Variants in DCDC1 observed in about 807,000 individuals in gnomAD.
DCDC1 encodes doublecortin domain-containing protein 1.
In DCDC1, 200 loss-of-function variants were observed where a neutral mutation model predicts 178.3. The observed-to-expected ratio is 1.12, with a 90% CI of 1.00 to 1.26. The LOEUF (loss-of-function observed/expected upper bound fraction) is 1.26. Among genes scored for constraint, DCDC1 ranks in the 50% most tolerant of loss-of-function variants. DCDC1 has a pLI of 0.00. For synonymous variants in DCDC1, 690 were observed against 604.8 expected (o/e 1.14, Z -2.07); for missense variants, 1,983 against 1,749.2 (o/e 1.13, Z -2.38).
At position 31,347,328 on chromosome 11, in the gene DCDC1, C is replaced by T. The variant is rs551265532; in HGVS notation, c.-124-11764G>A. The stretch of plus-strand genomic sequence containing the variant: ...CCATAATTTAACACTCCTTTCGTAG[C>T]TTGGTCTAGGTCCCTAAACCAGATA... On this transcript the variant is annotated intron_variant, in intron 1 of 38. Coordinates refer to ENST00000684477, the MANE Select transcript of DCDC1 (RefSeq NM_001387274.1). Among the ~76,000 whole-genome samples the T allele has an allele frequency of 5.3e-5, 8 of 152,266 alleles. No homozygotes were observed. In the South Asian group the frequency reaches 1.7e-3, roughly 32 times the overall value.
intron 20 of DCDC1, among the ~76,000 whole-genome samples, chr11:30,983,882 G>C (rs1950508140): frequency 6.6e-6 from 1 of 152,022 alleles, no homozygotes; most frequent in Non-Finnish European, 1.5e-5. Context: ...AGACCACAGG[G>C]GGTAAAAATC....
chr11:31,221,820 T>C (rs1461306210), intron 9 of DCDC1, among the ~76,000 whole-genome samples: 1 of 152,200 alleles, frequency 6.6e-6, no homozygotes, highest in East Asian at 1.9e-4. Flanking sequence ...TCTAAATCTT[T>C]AAGCTCTGGG....
intron 21 of DCDC1, among the ~76,000 whole-genome samples, chr11:30,947,158 A>G (rs1221955339): frequency 1.3e-5 from 2 of 152,200 alleles, no homozygotes; most frequent in African/African-American, 4.8e-5. Flanking sequence ...TGGAAGAAAA[A>G]TGTCTGAAAA....
intron 6 of DCDC1, among the ~76,000 whole-genome samples, chr11:31,297,357 A>AT (rs35301487): frequency 0.28 from 41,405 of 149,766 alleles, 5,932 homozygotes; most frequent in African/African-American, 0.36. Context: ...CATACTAGCC[A>AT]TTTTTTTTTT....
In DCDC1 at chr11:30,920,867, T is replaced by C; in HGVS notation, c.3202A>G (p.Ile1068Val). 1.2e-6 allele frequency: 2 copies of C among 1,613,506 alleles called. No homozygotes were observed. Among genetic ancestry groups the C allele is most frequent in the Non-Finnish European group, 1.7e-6 (2 of 1,179,698 alleles). ...SKLAVHKPVA[I>V]FGEEKQVTEP... ...GTAACTTGCTTCTCTTCTCCAAAAA[T>C]TGCTACAGGTTTATGCACAGCAAGC... Residue 1068 changes from isoleucine (I) to valine (V), a missense_variant, in exon 25 of 39, where the codon ATT (isoleucine) becomes GTT (valine). Ile to Val is a conservative substitution (Grantham distance 29). Transcript: ENST00000684477.
At chr11:31,222,103 C>G (rs1974340799) in intron 9 of DCDC1, among the ~76,000 whole-genome samples, 1 of 152,132 alleles carries the variant, frequency 6.6e-6, no homozygotes, top group Non-Finnish European at 1.5e-5. Flanking sequence ...CACTCTGTCA[C>G]CCAGGCTTGG....
chr11:31,153,598 C>T (rs1391298102), intron 9 of DCDC1, among the ~76,000 whole-genome samples: 1 of 152,024 alleles, frequency 6.6e-6, no homozygotes, highest in Non-Finnish European at 1.5e-5. Context: ...GCCTGGCCAA[C>T]ATGGTGAAAC....
chr11:31,080,818 A>G (rs996360332), intron 17 of DCDC1, among the ~76,000 whole-genome samples: 1 of 152,242 alleles, frequency 6.6e-6, no homozygotes, highest in African/African-American at 2.4e-5. Context: ...CTCCTGTTTC[A>G]TAAATTATTG....
At position 31,065,106 on chromosome 11, in the gene DCDC1, T is replaced by C. The variant is rs144828307; in HGVS notation, c.2346A>G (p.Gln782=). ...VLTYLEELNA[Q]VDVTQTEYHI... is the part of the protein sequence containing the mutation. The stretch of plus-strand genomic sequence containing the variant: ...GATACTCTGTCTGGGTCACATCTAC[T>C]TGTGCATTTAGCTCCTCTAGGTAGG... Residue 782 remains glutamine, a synonymous_variant, in exon 19 of 39, where the codon CAA becomes CAG. Coordinates refer to ENST00000684477, the MANE Select transcript of DCDC1 (RefSeq NM_001387274.1). The C allele has an allele frequency of 1.2e-5, 9 of 765,464 alleles. No homozygotes were observed. Among genetic ancestry groups the C allele is most frequent in the Non-Finnish European group, 1.9e-5 (8 of 417,536 alleles). The allele number at this position is 765,464 out of a possible 1,614,324, so 47.4% of individuals were successfully genotyped here.
At chr11:31,366,653 C>T (rs190823509) in intron 1 of DCDC1, among the ~76,000 whole-genome samples, 1 of 152,282 alleles carries the variant, frequency 6.6e-6, no homozygotes, top group Admixed American at 6.5e-5. Flanking sequence ...GTTACCAAAA[C>T]ACCAGGAGTT....
At chr11:30,971,687 G>A (rs988457459) in intron 20 of DCDC1, among the ~76,000 whole-genome samples, 3 of 130,740 alleles carry the variant, frequency 2.3e-5, no homozygotes, top group East Asian at 5.0e-4. Context: ...TTGGCTCACC[G>A]CAAGCTCTGC....
At chr11:31,201,477 G>A (rs1971276271) in intron 9 of DCDC1, among the ~76,000 whole-genome samples, 1 of 151,898 alleles carries the variant, frequency 6.6e-6, no homozygotes. Flanking sequence ...TTCAGATCAG[G>A]AAGAAAATGT....
intron 20 of DCDC1, among the ~76,000 whole-genome samples, chr11:30,968,749 T>C (rs548299807): frequency 3.5e-5 from 2 of 57,108 alleles, no homozygotes; most frequent in African/African-American, 1.5e-4. Context: ...TTTGATATTT[T>C]CTGTGGTTTC....
chr11:31,074,197 T>C (rs995017422), intron 18 of DCDC1, among the ~76,000 whole-genome samples: 1 of 152,146 alleles, frequency 6.6e-6, no homozygotes, highest in South Asian at 2.1e-4. Flanking sequence ...GGCACAGCCA[T>C]GTCTCACTGG....
chr11:31,168,115 G>C (rs1289576975), intron 9 of DCDC1, among the ~76,000 whole-genome samples: 1 of 152,116 alleles, frequency 6.6e-6, no homozygotes, highest in Non-Finnish European at 1.5e-5. Flanking sequence ...ATCATGCTTT[G>C]ATGACAACCA....
At chr11:31,293,198 G>C (rs915139529) in intron 6 of DCDC1, among the ~76,000 whole-genome samples, 2 of 152,132 alleles carry the variant, frequency 1.3e-5, no homozygotes, top group African/African-American at 4.8e-5. Flanking sequence ...TGGAGCATTG[G>C]AGTATATTAA....
rs78450052 is a variant in DCDC1, at chr11:31,028,058, A to T, written c.2591+36411T>A. On this transcript the variant is annotated intron_variant, in intron 20 of 38. Coordinates refer to ENST00000684477, the MANE Select transcript of DCDC1 (RefSeq NM_001387274.1). ...ATAATCTAAAGCACATAATTAGTATAAAAAAACAATAATGCAATGATATAT... is the reference window on the plus strand; with the variant it reads ...ATAATCTAAAGCACATAATTAGTATTAAAAAACAATAATGCAATGATATAT... Among the ~76,000 whole-genome samples, 188 of 151,938 alleles carry T rather than the reference A, an allele frequency of 1.2e-3. 1 individual carries two copies. Among genetic ancestry groups the T allele is most frequent in the African/African-American group, 4.4e-3 (183 of 41,496 alleles).
intron 9 of DCDC1, among the ~76,000 whole-genome samples, chr11:31,171,073 C>A (rs1179997735): frequency 6.6e-5 from 10 of 152,080 alleles, no homozygotes; most frequent in Non-Finnish European, 1.3e-4. Flanking sequence ...GGTGATCCGC[C>A]CCCCTTGGCC....
chr11:31,340,062 A>G (rs1218617444), intron 1 of DCDC1, among the ~76,000 whole-genome samples: 1 of 152,202 alleles, frequency 6.6e-6, no homozygotes, highest in Non-Finnish European at 1.5e-5. Flanking sequence ...AAGGAAGAAC[A>G]AAAAGCATTT....
Sources: gnomAD v4.1 joint callset for allele counts (sites outside exome capture counted in the v4.1 genomes callset) on GRCh38, gnomAD v4.1.1 for gene constraint, MANE v1.5 for transcripts, NCBI Gene and HGNC (gene_info 2026-07-23, HGNC 2026-07-21) for gene names.